Variants in DNAH11 observed in about 807,000 individuals in gnomAD.
The protein encoded by DNAH11 is axonemal beta dynein heavy chain 11.
DNAH11 carries 442 observed loss-of-function variants against 526.0 expected under a neutral mutation model. The ratio of observed to expected loss-of-function variants is 0.84; its 90% CI spans 0.78 to 0.91. The LOEUF (loss-of-function observed/expected upper bound fraction) is 0.91. Among genes scored for constraint, DNAH11 ranks in the 40% least tolerant of loss-of-function variants. The pLI is 0.00. For missense variants in DNAH11, 6,989 were observed against 5,448.7 expected, an observed-to-expected ratio of 1.28 and a Z score of -8.90; for synonymous variants, 2,461 against 1,935.9, an observed-to-expected ratio of 1.27 and a Z score of -7.12.
chr7:21,799,874 T>G (rs1297573086), intron 61 of DNAH11, among the ~76,000 whole-genome samples: 1 of 152,222 alleles, frequency 6.6e-6, no homozygotes, highest in Non-Finnish European at 1.5e-5. Context: ...TTCTTGGAAC[T>G]TTGCATGCAT....
intron 44 of DNAH11, among the ~76,000 whole-genome samples, chr7:21,723,467 C>T (rs913888246): frequency 9.2e-5 from 14 of 152,234 alleles, no homozygotes; most frequent in South Asian, 4.1e-4. Context: ...CATAAACTGC[C>T]GTCATTTCTC....
At chr7:21,697,297 AAG>A (rs2128476887) in intron 35 of DNAH11, among the ~76,000 whole-genome samples, 1 of 152,186 alleles carries the variant, frequency 6.6e-6, no homozygotes, top group African/African-American at 2.4e-5. Context: ...CTCCAAAAGA[AAG>A]GGGATTTGAA....
At chr7:21,687,039 C>T (rs1783403224) in intron 32 of DNAH11, 60 bp from the exon 33 acceptor site, 10 of 1,516,906 alleles carry the variant, frequency 6.6e-6, no homozygotes, top group East Asian at 2.3e-5. Flanking sequence ...TGTATTGCCT[C>T]TGATGTTTTA....
At chr7:21,834,500 CAAAAT>C (rs1208825459) in intron 65 of DNAH11, among the ~76,000 whole-genome samples, 1 of 151,906 alleles carries the variant, frequency 6.6e-6, no homozygotes, top group East Asian at 1.9e-4. Flanking sequence ...ATAGAAAAAA[CAAAAT>C]AGAGAATAAA....
intron 66 of DNAH11, among the ~76,000 whole-genome samples, chr7:21,847,993 G>A (rs561393155): frequency 4.0e-4 from 60 of 151,868 alleles, no homozygotes; most frequent in East Asian, 2.5e-3. Context: ...GTGAAACCCC[G>A]TCTCTACTAA....
At chr7:21,552,492 A>T (rs192365754) in intron 2 of DNAH11, among the ~76,000 whole-genome samples, 1 of 152,084 alleles carries the variant, frequency 6.6e-6, no homozygotes, top group Admixed American at 6.6e-5. Flanking sequence ...ACAAACTGCA[A>T]TTTGTTCTTA....
intron 31 of DNAH11, 114 bp from the exon 32 acceptor site, chr7:21,683,670 G>T (rs1490345322): frequency 1.7e-6 from 2 of 1,201,696 alleles, no homozygotes; most frequent in Non-Finnish European, 2.3e-6. Context: ...GCGTGCAAGA[G>T]ATTTCCTATT....
At chr7:21,568,140 C>T (rs1783747408) in intron 6 of DNAH11, among the ~76,000 whole-genome samples, 4 of 152,176 alleles carry the variant, frequency 2.6e-5, no homozygotes, top group African/African-American at 7.2e-5. Flanking sequence ...CTCAAACTAA[C>T]AATATCATTG....
At chr7:21,637,997 G>C (rs1463101230) in intron 27 of DNAH11, among the ~76,000 whole-genome samples, 1 of 150,558 alleles carries the variant, frequency 6.6e-6, no homozygotes, top group African/African-American at 2.5e-5. Flanking sequence ...TATTTCCTCA[G>C]ACTATCCTGT....
chr7:21,748,938 T>C (rs1482146440), intron 52 of DNAH11, among the ~76,000 whole-genome samples, 196 bp downstream of exon 52: 1 of 152,160 alleles, frequency 6.6e-6, no homozygotes, highest in East Asian at 1.9e-4. Flanking sequence ...ATAATAAATT[T>C]CTACAAGTTT....
chr7:21,589,288 G>A lies in DNAH11; in HGVS notation c.2054G>A (p.Arg685His), dbSNP rs202234068. The change falls in exon 12 of 82, where the codon CGT (arginine) becomes CAT (histidine). Residue 685 changes from arginine (R) to histidine (H), a missense_variant. Coordinates refer to ENST00000409508, the MANE Select transcript of DNAH11 (RefSeq NM_001277115.2). The stretch of plus-strand genomic sequence containing the variant: ...ACTTTGCTTGATCAATTTGAAAGTC[G>A]TATCTATAATGAATGGAAAAGTAAT... ...MTTLLDQFES[R>H]IYNEWKSNVD... 7.6e-5 allele frequency: 123 copies of A among 1,609,472 alleles called. No individual in the cohort carries two copies. The highest frequency in any genetic ancestry group is 3.4e-4 in the Admixed American group (20 of 59,018).
intron 18 of DNAH11, among the ~76,000 whole-genome samples, chr7:21,603,762 A>T (rs1030792785): frequency 2.6e-5 from 4 of 152,206 alleles, no homozygotes; most frequent in African/African-American, 9.7e-5. Context: ...GTTTCTAGGA[A>T]GATTTAGATA....
chr7:21,713,149 C>T (rs1366150826), intron 42 of DNAH11, among the ~76,000 whole-genome samples: 2 of 152,160 alleles, frequency 1.3e-5, no homozygotes, highest in Admixed American at 6.5e-5. Flanking sequence ...TCACCTCCAG[C>T]GTTTGCACTT....
intron 5 of DNAH11, 149 bp from the exon 6 acceptor site, chr7:21,564,037 G>C (rs1277918319): frequency 1.7e-6 from 1 of 573,228 alleles, no homozygotes; most frequent in Non-Finnish European, 3.0e-6. Context: ...CTCGTGTGTA[G>C]ATTGTAGGAT....
intron 58 of DNAH11, among the ~76,000 whole-genome samples, chr7:21,785,270 A>G (rs1349273009): frequency 2.0e-5 from 3 of 152,204 alleles, no homozygotes; most frequent in Non-Finnish European, 4.4e-5. Flanking sequence ...TCGTTTTGTA[A>G]GTATTTTTTG....
chr7:21,549,907 A>C (rs1425426009), intron 2 of DNAH11, among the ~76,000 whole-genome samples: 1 of 152,146 alleles, frequency 6.6e-6, no homozygotes. Context: ...GCAGGCATTA[A>C]ATCTTATAGT....
At chr7:21,631,937 A>C (rs988195731) in intron 25 of DNAH11, among the ~76,000 whole-genome samples, 6 of 152,178 alleles carry the variant, frequency 3.9e-5, no homozygotes, top group Non-Finnish European at 7.3e-5. Context: ...GCCATAGCAG[A>C]GGTTCTCCAT....
At chr7:21,641,713 T>G (rs1447205086) in intron 28 of DNAH11, among the ~76,000 whole-genome samples, 1 of 152,198 alleles carries the variant, frequency 6.6e-6, no homozygotes, top group Non-Finnish European at 1.5e-5. Context: ...TTAAAAAAAT[T>G]TTTTACAACA....
chr7:21,645,676 TATATCTAAAAATCAGATATCTAAATCAG>T lies in DNAH11; in HGVS notation c.4944+6680_4944+6707del, dbSNP rs1357075363. On this transcript the variant is annotated intron_variant, in intron 28 of 81. Coordinates refer to ENST00000409508, the MANE Select transcript of DNAH11 (RefSeq NM_001277115.2). ...CAGGGTAGGGGGAGGAGGAATCTAC[TATATCTAAAAATCAGATATCTAAATCAG>T]ATATCTAAAAATCAGATATCTAAAT... Among the ~76,000 whole-genome samples the T allele has an allele frequency of 6.4e-3, 863 of 135,888 alleles. 11 individuals are homozygous for T. The highest frequency in any genetic ancestry group is 8.4e-3 in the African/African-American group (279 of 33,208). 89.1% of individuals were successfully genotyped at this position (135,888 alleles called of 152,430 possible).
Sources: gnomAD v4.1 joint callset for allele counts (sites outside exome capture counted in the v4.1 genomes callset) on GRCh38, gnomAD v4.1.1 for gene constraint, MANE v1.5 for transcripts, NCBI Gene and HGNC (gene_info 2026-07-23, HGNC 2026-07-21) for gene names.